WBP2NL: variants seen among roughly 807,000 people sequenced by gnomAD.
The protein encoded by WBP2NL is postacrosomal sheath WW domain-binding protein.
WBP2NL carries 27 observed loss-of-function variants against 23.3 expected under a neutral mutation model. The ratio of observed to expected loss-of-function variants is 1.16; its 90% CI spans 0.85 to 1.60. The LOEUF (loss-of-function observed/expected upper bound fraction) is 1.60, where lower values mean the gene tolerates loss of function less well. Ranked by LOEUF, WBP2NL falls within the 40% of genes most tolerant of loss-of-function variation. The probability of loss-of-function intolerance (pLI) is 0.00; values close to 1 mark genes in which losing one functional copy is unlikely to be tolerated. For missense variants in WBP2NL, 370 were observed against 389.5 expected, an observed-to-expected ratio of 0.95 and a Z score of 0.42; for synonymous variants, 151 against 145.9, an observed-to-expected ratio of 1.03 and a Z score of -0.25.
At chr22:42,024,791 T>G (rs1225268808) in intron 5 of WBP2NL, among the ~76,000 whole-genome samples, 1 of 148,374 alleles carries the variant, frequency 6.7e-6, no homozygotes, top group Non-Finnish European at 1.5e-5. Context: ...TCTTTCACAT[T>G]CTTGATAATG....
At chr22:42,029,637 G>T (rs1924807451), downstream of WBP2NL, among the ~76,000 whole-genome samples, 6 of 152,296 alleles carry the variant, frequency 3.9e-5, no homozygotes, top group South Asian at 1.0e-3. Flanking sequence ...CTCCTGAAGT[G>T]CTGGGATTAC....
At chr22:42,019,880 A>G in intron 3 of WBP2NL, 77 bp downstream of exon 3, 1 of 1,599,666 alleles carries the variant, frequency 6.3e-7, no homozygotes, top group Non-Finnish European at 8.5e-7. Flanking sequence ...AACTTGGCTC[A>G]TGTTGAAATT....
chr22:42,004,430 C>G (rs1922012485), intron 1 of WBP2NL, among the ~76,000 whole-genome samples: 1 of 151,978 alleles, frequency 6.6e-6, no homozygotes, highest in South Asian at 2.1e-4. Context: ...CCTATCTCTA[C>G]TAAAAATACA....
At chr22:42,040,224 C>G (rs1925350748) in intron 8 of WBP2NL, among the ~76,000 whole-genome samples, 1 of 150,008 alleles carries the variant, frequency 6.7e-6, no homozygotes, top group East Asian at 2.0e-4. Context: ...TCTTCTCTCT[C>G]TCTCTTTTTT....
intron 1 of WBP2NL, among the ~76,000 whole-genome samples, chr22:41,999,242 G>C (rs925400252): frequency 2.6e-5 from 4 of 152,250 alleles, no homozygotes; most frequent in African/African-American, 9.6e-5. Context: ...GGGGGCCTTC[G>C]GTGGCAGCGT....
chr22:42,031,524 TAAG>T (rs1363695741), downstream of WBP2NL: 1 of 152,120 alleles, frequency 6.6e-6, no homozygotes, highest in African/African-American at 2.4e-5. Context: ...GGGATAGAAA[TAAG>T]AAGACCTTTT....
At chr22:42,057,896 T>TAC (rs1569456270) in intron 8 of WBP2NL, among the ~76,000 whole-genome samples, 1 of 27,170 alleles carries the variant, frequency 3.7e-5, no homozygotes, top group Non-Finnish European at 7.2e-5. Context: ...TATATATATA[T>TAC]ATATATTTTT....
At chr22:42,050,501 A>T (rs1351791399) in intron 8 of WBP2NL, among the ~76,000 whole-genome samples, 2 of 151,986 alleles carry the variant, frequency 1.3e-5, no homozygotes, top group Non-Finnish European at 2.9e-5. Flanking sequence ...TATAAAAATT[A>T]GCTGGGTGTT....
Position 42,054,155 on chromosome 22 carries a change from CTT to C in WBP2NL, c.*274-4134_*274-4133del, listed in dbSNP as rs148205802. 5.4e-3 allele frequency among the ~76,000 whole-genome samples: 815 copies of C among 151,858 alleles called. 9 individuals carry two copies. The highest frequency in any genetic ancestry group is 0.018 in the African/African-American group (743 of 41,400). On this transcript the variant is annotated intron_variant and NMD_transcript_variant, in intron 8 of 8. Transcript: ENST00000436265. ...AGTTTTGAATTTTGATCAAGTCCAA[CTT>C]ATCTATTTTTTTTGATTGCTTCTGA...
At chr22:42,025,108 T>G (rs1924360218) in intron 5 of WBP2NL, among the ~76,000 whole-genome samples, 1 of 152,258 alleles carries the variant, frequency 6.6e-6, no homozygotes, top group African/African-American at 2.4e-5. Flanking sequence ...TGGCTTTTAA[T>G]GCACAAAGGT....
intron 8 of WBP2NL, among the ~76,000 whole-genome samples, chr22:42,054,608 TA>T (rs1411179378): frequency 6.6e-6 from 1 of 152,148 alleles, no homozygotes; most frequent in Non-Finnish European, 1.5e-5. Context: ...TTAGGTCTTT[TA>T]ACCATTTTGA....
chr22:42,026,770 T>G lies in WBP2NL; in HGVS notation c.519T>G (p.Ile173Met). The G allele has an allele frequency of 1.2e-6, 2 of 1,611,920 alleles. No homozygotes were observed. Among genetic ancestry groups the G allele is most frequent in the Non-Finnish European group, 1.7e-6 (2 of 1,179,038 alleles). Reference sequence around the variant, plus strand: ...TCCTTCCATTATAATTCCCAGTTATTGTCTATGGAGCCCCACCTGCAGGAT... The same window carrying G: ...TCCTTCCATTATAATTCCCAGTTATGGTCTATGGAGCCCCACCTGCAGGAT... ...MCTPQMPCSV[I>M]VYGAPPAGYG... The change falls in exon 6 of 6, where the codon ATT (isoleucine) becomes ATG (methionine). Residue 173 changes from isoleucine to methionine, a missense_variant. Physicochemically the swap from Ile to Met is conservative, Grantham distance 10 (BLOSUM62 1). Coordinates refer to ENST00000328823, the MANE Select transcript of WBP2NL (RefSeq NM_152613.3).
intron 1 of WBP2NL, among the ~76,000 whole-genome samples, chr22:42,000,514 A>G (rs1921528378): frequency 6.6e-6 from 1 of 151,930 alleles, no homozygotes; most frequent in South Asian, 2.1e-4. Flanking sequence ...ATTGAGTCCC[A>G]TCATCATCAT....
intron 1 of WBP2NL, among the ~76,000 whole-genome samples, chr22:42,016,470 A>C (rs1053377542): frequency 6.6e-6 from 1 of 152,206 alleles, no homozygotes; most frequent in African/African-American, 2.4e-5. Flanking sequence ...TGTTGTCTTC[A>C]AAGCTGCTGC....
intron 1 of WBP2NL, among the ~76,000 whole-genome samples, chr22:42,017,466 C>G (rs1447263961): frequency 6.6e-6 from 1 of 152,170 alleles, no homozygotes; most frequent in Non-Finnish European, 1.5e-5. Context: ...TAGGTCATTC[C>G]TAATTACTTC....
At chr22:42,026,409 A>G (rs1348251988) in intron 5 of WBP2NL, among the ~76,000 whole-genome samples, 2 of 152,032 alleles carry the variant, frequency 1.3e-5, no homozygotes, top group South Asian at 2.1e-4. Context: ...TGGTAGAATT[A>G]TAGATGGCTT....
rs1402097418 is a variant in WBP2NL at position 41,998,847 on chromosome 22, ACC to A, written c.30_31del (p.Asn10LysfsTer8). 3.1e-6 allele frequency: 5 copies of A among 1,612,130 alleles called. No individual in the cohort carries two copies. Among genetic ancestry groups the A allele is most frequent in the Non-Finnish European group, 4.2e-6 (5 of 1,178,900 alleles). ...GCGGTGAATCAGAGCCACACCGAGA[ACC>A]GCCGCGGAGCCCTCATCCCTAACGG... On this transcript the variant is annotated frameshift_variant, in exon 1 of 6. Coordinates refer to ENST00000328823, the MANE Select transcript of WBP2NL (RefSeq NM_152613.3). LOFTEE classifies it high-confidence loss of function.
chr22:42,045,046 G>T (rs1219100072), intron 8 of WBP2NL, among the ~76,000 whole-genome samples: 2 of 151,770 alleles, frequency 1.3e-5, no homozygotes, highest in Non-Finnish European at 2.9e-5. Flanking sequence ...GCCCGGTCTG[G>T]TCTTGAACTC....
Position 42,008,116 on chromosome 22 carries a change from CCTTTG to C in WBP2NL, c.62+9241_62+9245del, listed in dbSNP as rs1373425230. 3.0e-3 allele frequency among the ~76,000 whole-genome samples: 319 copies of C among 105,664 alleles called. 4 individuals are homozygous for C. Among genetic ancestry groups the C allele is most frequent in the African/African-American group, 5.3e-3 (151 of 28,316 alleles). 69.3% of individuals were successfully genotyped at this position (105,664 alleles called of 152,430 possible). A position where few individuals can be genotyped will look rare whatever the true frequency, so the allele number is the denominator to read the frequency against. ...CCTTTCCTTTCCTTTCCTTTCCTTTCCTTTGCTTTCCTTTCCTTTCCTTTCCTTTC... is the reference window on the plus strand; with the variant it reads ...CCTTTCCTTTCCTTTCCTTTCCTTTCCTTTCCTTTCCTTTCCTTTCCTTTC... On this transcript the variant is annotated intron_variant, in intron 1 of 5. Coordinates refer to ENST00000328823, the MANE Select transcript of WBP2NL (RefSeq NM_152613.3).
Sources: allele counts gnomAD v4.1 joint callset (sites outside exome capture counted in the v4.1 genomes callset), GRCh38; gene constraint gnomAD v4.1.1; transcripts MANE v1.5; gene names NCBI Gene and HGNC (gene_info 2026-07-23, HGNC 2026-07-21).